Variants in SMURF1 observed in about 807,000 individuals in gnomAD.
The protein encoded by SMURF1 is E3 ubiquitin-protein ligase SMURF1.
A neutral mutation model predicts 98.0 loss-of-function variants in SMURF1; 44 were observed. That is an observed-to-expected ratio of 0.45 (90% CI 0.35 to 0.58). SMURF1 has a LOEUF of 0.58. SMURF1 is among the 20% of genes least tolerant of loss of function. SMURF1 has a pLI of 0.00. For missense variants in SMURF1, 687 were observed against 938.4 expected (o/e 0.73, Z 3.50); for synonymous variants, 396 against 374.9 (o/e 1.06, Z -0.65).
chr7:99,084,629 CA>C (rs1796640084), intron 1 of SMURF1, among the ~76,000 whole-genome samples: 1 of 152,142 alleles, frequency 6.6e-6, no homozygotes, highest in Non-Finnish European at 1.5e-5. Flanking sequence ...ATGATCCACC[CA>C]CCTCGGCCTC....
chr7:99,101,446 A>G (rs1310088541), intron 1 of SMURF1, among the ~76,000 whole-genome samples: 2 of 152,248 alleles, frequency 1.3e-5, no homozygotes, highest in African/African-American at 4.8e-5. Context: ...ACTGAGCTAC[A>G]GTGTTCCTGG....
intron 1 of SMURF1, among the ~76,000 whole-genome samples, chr7:99,134,927 G>A (rs573470842): frequency 2.0e-5 from 3 of 152,068 alleles, no homozygotes; most frequent in South Asian, 2.1e-4. Context: ...CAAGCTTTTT[G>A]GGGGGTCAGG....
At position 99,046,611 on chromosome 7, in the gene SMURF1, A is replaced by T. The variant is rs182655477; in HGVS notation, c.1153-810T>A. Among the ~76,000 whole-genome samples, 884 of 151,910 alleles carry T rather than the reference A, an allele frequency of 5.8e-3. 6 individuals are homozygous for T. The highest frequency in any genetic ancestry group is 0.02 in the African/African-American group (848 of 41,418). ...GCTGGGCCTGGTGGCGGGCGCCTGT[A>T]ATCCCAGCTACACGGGAGGCTGAGA... On this transcript the variant is annotated intron_variant, in intron 10 of 17. Coordinates refer to ENST00000361368, the MANE Select transcript of SMURF1 (RefSeq NM_181349.3).
intron 8 of SMURF1, 64 bp downstream of exon 8, chr7:99,051,293 G>A: frequency 1.6e-6 from 2 of 1,215,980 alleles, no homozygotes; most frequent in Non-Finnish European, 2.4e-6. Flanking sequence ...CATCTGGAAG[G>A]TATTGGCTTT....
At chr7:99,046,828 C>T (rs1010741060) in intron 10 of SMURF1, among the ~76,000 whole-genome samples, 2 of 151,850 alleles carry the variant, frequency 1.3e-5, no homozygotes, top group African/African-American at 4.8e-5. Context: ...TACTTCAGCG[C>T]TTTTCTAGCC....
chr7:99,048,583 G>A (rs1795657150), intron 9 of SMURF1: 1 of 152,406 alleles, frequency 6.6e-6, no homozygotes, highest in Non-Finnish European at 1.5e-5. Flanking sequence ...GGAGGTAACA[G>A]TGGAGAACTC....
chr7:99,092,446 G>C lies in SMURF1; in HGVS notation c.56-30609C>G, dbSNP rs11770956. On this transcript the variant is annotated intron_variant, in intron 1 of 17. Transcript: ENST00000361368. ...CGTGGCACCTCCCTGGTCATTCACA[G>C]ATGTTTGCAGAGCAACAACGACAAC... 8.7e-3 allele frequency among the ~76,000 whole-genome samples: 1,332 copies of C among 152,300 alleles called. 16 individuals are homozygous for C. The highest frequency in any genetic ancestry group is 0.024 in the Middle Eastern group (7 of 294).
At chr7:99,130,361 G>T (rs889687820) in intron 1 of SMURF1, among the ~76,000 whole-genome samples, 1 of 152,188 alleles carries the variant, frequency 6.6e-6, no homozygotes, top group African/African-American at 2.4e-5. Context: ...GCTGAGGCAG[G>T]AGAATCACTT....
intron 1 of SMURF1, among the ~76,000 whole-genome samples, chr7:99,132,539 A>G (rs73147623): frequency 1.9e-3 from 294 of 152,310 alleles, no homozygotes; most frequent in Non-Finnish European, 3.0e-3. Context: ...AAGACAGCAG[A>G]ATAGGCTGCC....
chr7:99,098,231 T>C lies in SMURF1; in HGVS notation c.56-36394A>G, dbSNP rs182026297. On this transcript the variant is annotated intron_variant, in intron 1 of 17. Coordinates refer to ENST00000361368, the MANE Select transcript of SMURF1 (RefSeq NM_181349.3). ...ATCCTCACATTTTAAATCTAACAGA[T>C]AATTACCTAATTTTCTGGTAAGGTA... Among the ~76,000 whole-genome samples, 18 of 152,314 alleles carry C rather than the reference T, an allele frequency of 1.2e-4. No homozygotes were observed. In the East Asian group the frequency reaches 3.3e-3, roughly 28 times the overall value.
intron 2 of SMURF1, 77 bp downstream of exon 2, chr7:99,061,722 A>G: frequency 1.7e-6 from 2 of 1,191,558 alleles, no homozygotes; most frequent in South Asian, 2.8e-5. Flanking sequence ...GAATATACCC[A>G]ATCTTTTTTT....
At chr7:99,036,023 C>T (rs1206427081) in intron 15 of SMURF1, 5 of 411,018 alleles carry the variant, frequency 1.2e-5, no homozygotes, top group African/African-American at 2.0e-5. Context: ...AAGAACCAAC[C>T]GGTGACACTG....
At chr7:99,141,743 A>T (rs959666910) in intron 1 of SMURF1, among the ~76,000 whole-genome samples, 1 of 152,154 alleles carries the variant, frequency 6.6e-6, no homozygotes, top group African/African-American at 2.4e-5. Flanking sequence ...ATTTTAGTTT[A>T]AAAAAATTAC....
chr7:99,096,716 C>T (rs751445416), intron 1 of SMURF1, among the ~76,000 whole-genome samples: 6 of 152,016 alleles, frequency 3.9e-5, no homozygotes, highest in East Asian at 1.9e-4. Flanking sequence ...CAGCTGGAGA[C>T]GTAAAAACTC....
chr7:99,048,734 G>A (rs1471249828), intron 9 of SMURF1: 2 of 152,204 alleles, frequency 1.3e-5, no homozygotes, highest in African/African-American at 2.4e-5. Context: ...GATTAGTACG[G>A]TGACAAAGTG....
At chr7:99,045,592 C>G in intron 11 of SMURF1, 106 bp downstream of exon 11, 1 of 882,666 alleles carries the variant, frequency 1.1e-6, no homozygotes, top group Non-Finnish European at 1.8e-6. Flanking sequence ...GAGACATCAG[C>G]CCTGCCCAGG....
intron 13 of SMURF1, among the ~76,000 whole-genome samples, chr7:99,039,693 C>T (rs1047483795): frequency 6.6e-6 from 1 of 152,110 alleles, no homozygotes; most frequent in South Asian, 2.1e-4. Context: ...TACCTGATCC[C>T]CAGAGTCCCC....
At chr7:99,080,679 C>T (rs1017439123) in intron 1 of SMURF1, among the ~76,000 whole-genome samples, 1 of 152,174 alleles carries the variant, frequency 6.6e-6, no homozygotes, top group Non-Finnish European at 1.5e-5. Flanking sequence ...CTGTTCCCAC[C>T]TTCTAACAAA....
In SMURF1 at chr7:99,065,939, G is replaced by T. The variant is rs1169441291; in HGVS notation, c.56-4102C>A. 3.9e-5 allele frequency among the ~76,000 whole-genome samples: 6 copies of T among 152,096 alleles called. No homozygotes were observed. The East Asian group carries it at 1.2e-3, about 29-fold the overall frequency. The stretch of plus-strand genomic sequence containing the variant: ...TGCGTGCCTGTAGTCGCAGCTACTT[G>T]GGAGGTTGAGGCAGGAGAATCGCTT... On this transcript the variant is annotated intron_variant, in intron 1 of 17. Transcript: ENST00000361368.
Sources: gnomAD v4.1 joint callset for allele counts (sites outside exome capture counted in the v4.1 genomes callset) on GRCh38, gnomAD v4.1.1 for gene constraint, MANE v1.5 for transcripts, NCBI Gene and HGNC (gene_info 2026-07-23, HGNC 2026-07-21) for gene names.